SLC26A7: variants seen among roughly 807,000 people sequenced by gnomAD.
The protein encoded by SLC26A7 is solute carrier family 26 member 7, also known as anion exchange transporter.
In SLC26A7, 59 loss-of-function variants were observed where a neutral mutation model predicts 82.5. That is an observed-to-expected ratio of 0.72 (90% CI 0.58 to 0.89). The LOEUF is 0.89. Among genes scored for constraint, SLC26A7 ranks in the 40% least tolerant of loss-of-function variants. The pLI, the probability that SLC26A7 is intolerant of heterozygous loss-of-function variation, is 0.00. For synonymous variants in SLC26A7, 271 were observed against 274.3 expected, an observed-to-expected ratio of 0.99 and a Z score of 0.12; for missense variants, 820 against 793.0, an observed-to-expected ratio of 1.03 and a Z score of -0.41.
intron 2 of SLC26A7, among the ~76,000 whole-genome samples, chr8:91,257,815 A>T (rs1268152601): frequency 6.6e-6 from 1 of 152,042 alleles, no homozygotes; most frequent in African/African-American, 2.4e-5. Flanking sequence ...CCAGTGTATT[A>T]GTCCATTCTC....
rs1416672390 is a variant in SLC26A7 at position 91,385,012 on chromosome 8, T to A, written c.1676-4326T>A. 2.0e-5 allele frequency among the ~76,000 whole-genome samples: 3 copies of A among 152,214 alleles called. No homozygotes were observed. In the East Asian group the frequency reaches 5.8e-4, roughly 29 times the overall value. On this transcript the variant is annotated intron_variant, in intron 15 of 18. Coordinates refer to ENST00000276609, the MANE Select transcript of SLC26A7 (RefSeq NM_052832.4). ...TCTTTGAAGTATATAAAAAGCACTC[T>A]TAAATTATGCAACTATGAATATTTT...
At chr8:91,280,771 G>C (rs1484772910) in intron 2 of SLC26A7, among the ~76,000 whole-genome samples, 2 of 152,006 alleles carry the variant, frequency 1.3e-5, no homozygotes, top group African/African-American at 4.8e-5. Flanking sequence ...TCAGTACTTT[G>C]GATCCAGTCA....
chr8:91,294,654 G>A (rs577684978), intron 3 of SLC26A7, among the ~76,000 whole-genome samples: 6 of 152,240 alleles, frequency 3.9e-5, no homozygotes, highest in African/African-American at 9.6e-5. Context: ...ATTTGCCAAC[G>A]CCTCTTTGAG....
chr8:91,270,849 AG>A (rs955280798), intron 2 of SLC26A7, among the ~76,000 whole-genome samples: 5 of 152,186 alleles, frequency 3.3e-5, no homozygotes, highest in African/African-American at 1.2e-4. Context: ...ACTTGGTAGT[AG>A]GTTAAAATAG....
intron 7 of SLC26A7, among the ~76,000 whole-genome samples, chr8:91,339,490 T>C (rs1813339996): frequency 1.3e-5 from 2 of 152,122 alleles, no homozygotes; most frequent in South Asian, 2.1e-4. Flanking sequence ...ATACAGTGGG[T>C]ATAATGATGC....
intron 1 of SLC26A7, among the ~76,000 whole-genome samples, chr8:91,211,440 T>A (rs111631680): frequency 0.028 from 4,244 of 151,258 alleles, 89 homozygotes; most frequent in Non-Finnish European, 0.04. Flanking sequence ...TTAAAAAAAA[T>A]TTAAATGCCG....
intron 2 of SLC26A7, among the ~76,000 whole-genome samples, chr8:91,279,743 TAGA>T (rs1811517804): frequency 6.6e-6 from 1 of 152,082 alleles, no homozygotes; most frequent in Admixed American, 6.6e-5. Context: ...GTATTTTTAG[TAGA>T]GACGGGGTTT....
chr8:91,393,945 T>TA lies in SLC26A7; in HGVS notation c.1845dup (p.Ala616SerfsTer17), dbSNP rs1210108794. On this transcript the variant is annotated frameshift_variant, in exon 18 of 19. Transcript: ENST00000276609. LOFTEE classifies it high-confidence loss of function. ...TTGTGCTTTCTTGAAGCTTCCTTGA[T>TA]AAAAGCAATGACGTATTATGGAAAC... 6.2e-7 allele frequency: 1 copy of TA among 1,613,592 alleles called. No homozygotes were observed. Among genetic ancestry groups the TA allele is most frequent in the East Asian group, 2.2e-5 (1 of 44,866 alleles).
At chr8:91,376,219 T>A (rs2130888239) in intron 15 of SLC26A7, among the ~76,000 whole-genome samples, 2 of 152,320 alleles carry the variant, frequency 1.3e-5, no homozygotes, top group South Asian at 4.1e-4. Flanking sequence ...TTATCTGCCA[T>A]TTCTGACTTT....
chr8:91,264,597 T>C (rs1020357834), intron 2 of SLC26A7, among the ~76,000 whole-genome samples: 16 of 152,132 alleles, frequency 1.1e-4, no homozygotes, highest in African/African-American at 3.9e-4. Flanking sequence ...TTGTTTCTAT[T>C]GTTGATAGCT....
intron 2 of SLC26A7, among the ~76,000 whole-genome samples, chr8:91,267,190 T>C (rs1811136451): frequency 6.6e-6 from 1 of 151,862 alleles, no homozygotes; most frequent in Non-Finnish European, 1.5e-5. Flanking sequence ...ATTAGGCATA[T>C]TGACATTCCC....
intron 2 of SLC26A7, among the ~76,000 whole-genome samples, chr8:91,264,901 T>C (rs985904040): frequency 7.9e-5 from 12 of 152,184 alleles, no homozygotes; most frequent in Admixed American, 2.6e-4. Flanking sequence ...GTAATAACTT[T>C]CAGAATCTTC....
intron 4 of SLC26A7, among the ~76,000 whole-genome samples, chr8:91,316,579 A>T (rs1251260882): frequency 6.9e-6 from 1 of 145,932 alleles, no homozygotes; most frequent in Middle Eastern, 3.4e-3. Flanking sequence ...AAGTGCTGGG[A>T]TTACAGAAAT....
chr8:91,229,980 C>T (rs1240449432), intron 2 of SLC26A7, among the ~76,000 whole-genome samples: 1 of 152,178 alleles, frequency 6.6e-6, no homozygotes, highest in African/African-American at 2.4e-5. Context: ...CCCCGGCAAA[C>T]AACCATTTTT....
At chr8:91,312,359 T>G (rs1163310486) in intron 4 of SLC26A7, among the ~76,000 whole-genome samples, 1 of 152,222 alleles carries the variant, frequency 6.6e-6, no homozygotes, top group African/African-American at 2.4e-5. Flanking sequence ...CATCCACTGA[T>G]GGACACTTGG....
At chr8:91,304,016 A>C (rs1457653391) in intron 4 of SLC26A7, among the ~76,000 whole-genome samples, 3 of 152,238 alleles carry the variant, frequency 2.0e-5, no homozygotes, top group African/African-American at 4.8e-5. Context: ...TAACCAAGTT[A>C]GAATTATAAC....
chr8:91,221,822 T>G (rs1480935838), intron 2 of SLC26A7, among the ~76,000 whole-genome samples: 1 of 152,212 alleles, frequency 6.6e-6, no homozygotes, highest in Non-Finnish European at 1.5e-5. Flanking sequence ...GTAGCTTTGT[T>G]CTTTTTGCTT....
intron 2 of SLC26A7, among the ~76,000 whole-genome samples, chr8:91,231,554 CCTTTT>C (rs1054202742): frequency 4.0e-5 from 6 of 151,410 alleles, no homozygotes; most frequent in African/African-American, 1.2e-4. Context: ...TCCTTTCTTT[CCTTTT>C]CTTTTCTTTT....
At chr8:91,245,135 A>C (rs1243563209), upstream of SLC26A7, among the ~76,000 whole-genome samples, 1 of 152,210 alleles carries the variant, frequency 6.6e-6, no homozygotes, top group Non-Finnish European at 1.5e-5. Flanking sequence ...AGCACCATAG[A>C]ATATCAGAAC....
Sources: gnomAD v4.1 joint callset for allele counts (sites outside exome capture counted in the v4.1 genomes callset) on GRCh38, gnomAD v4.1.1 for gene constraint, MANE v1.5 for transcripts, NCBI Gene and HGNC (gene_info 2026-07-23, HGNC 2026-07-21) for gene names.